PARP16: variants seen among roughly 807,000 people sequenced by gnomAD.
The protein encoded by PARP16 is poly(ADP-ribose) polymerase family member 16.
PARP16 carries 31 observed loss-of-function variants against 35.0 expected under a neutral mutation model. The ratio of observed to expected loss-of-function variants is 0.88; its 90% CI spans 0.66 to 1.19. The LOEUF (loss-of-function observed/expected upper bound fraction) is 1.19, where lower values mean the gene tolerates loss of function less well. Ranked by LOEUF, PARP16 falls within the 50% of genes most tolerant of loss-of-function variation. PARP16 has a pLI of 0.00. For synonymous variants in PARP16, 162 were observed against 169.5 expected (o/e 0.96, Z 0.34); for missense variants, 424 against 411.2 (o/e 1.03, Z -0.27).
intron 2 of PARP16, among the ~76,000 whole-genome samples, chr15:65,267,464 G>T (rs932999835): frequency 6.6e-6 from 1 of 150,528 alleles, no homozygotes; most frequent in African/African-American, 2.4e-5. Context: ...AAAATTAGCC[G>T]GGCGTGGTGG....
At chr15:65,264,852 G>A (rs1366595197) in intron 3 of PARP16, among the ~76,000 whole-genome samples, 1 of 152,200 alleles carries the variant, frequency 6.6e-6, no homozygotes, top group Non-Finnish European at 1.5e-5. Context: ...GGCCATAGGA[G>A]GATTGATGTG....
chr15:65,242,968 G>A (rs1044874851), intron 3 of PARP16, among the ~76,000 whole-genome samples: 3 of 152,080 alleles, frequency 2.0e-5, no homozygotes, highest in African/African-American at 7.2e-5. Flanking sequence ...GCCCACCTCA[G>A]CCTCCCAAAG....
At chr15:65,272,664 G>T (rs2090129189) in intron 1 of PARP16, among the ~76,000 whole-genome samples, 1 of 152,102 alleles carries the variant, frequency 6.6e-6, no homozygotes, top group African/African-American at 2.4e-5. Flanking sequence ...TCCAAGTATG[G>T]CCAGACACCT....
At chr15:65,232,869 C>T (rs974212441), downstream of PARP16, among the ~76,000 whole-genome samples, 13 of 151,128 alleles carry the variant, frequency 8.6e-5, no homozygotes, top group Admixed American at 6.6e-4. Flanking sequence ...CCACCCTAGC[C>T]AACATAGTGA....
At chr15:65,269,383 A>G (rs900495137) in intron 2 of PARP16, among the ~76,000 whole-genome samples, 11 of 151,776 alleles carry the variant, frequency 7.2e-5, no homozygotes, top group Non-Finnish European at 1.6e-4. Flanking sequence ...TTTTTAGTAG[A>G]GACGGGGTTC....
chr15:65,284,451 C>A (rs2090520684), intron 1 of PARP16, among the ~76,000 whole-genome samples: 1 of 144,706 alleles, frequency 6.9e-6, no homozygotes, highest in Non-Finnish European at 1.5e-5. Context: ...CCAGTTCAAG[C>A]AATTCTCCTG....
downstream of PARP16, among the ~76,000 whole-genome samples, chr15:65,255,320 T>C (rs1029613050): frequency 6.6e-6 from 1 of 152,054 alleles, no homozygotes; most frequent in Non-Finnish European, 1.5e-5. Flanking sequence ...TGCAAAAATG[T>C]TTTCTTTTAA....
intron 2 of PARP16, among the ~76,000 whole-genome samples, chr15:65,269,450 C>T (rs1374615773): frequency 6.6e-6 from 1 of 152,100 alleles, no homozygotes; most frequent in East Asian, 1.9e-4. Flanking sequence ...CCCACCTTAG[C>T]CTTCCAAAGT....
downstream of PARP16, among the ~76,000 whole-genome samples, chr15:65,232,070 C>T (rs1053050158): frequency 8.5e-5 from 13 of 152,230 alleles, no homozygotes; most frequent in African/African-American, 2.4e-4. Flanking sequence ...TACACCGTCA[C>T]CTACCTCCTA....
chr15:65,249,560 G>A (rs193248631), intron 2 of PARP16, among the ~76,000 whole-genome samples: 4 of 152,342 alleles, frequency 2.6e-5, no homozygotes, highest in Admixed American at 1.3e-4. Flanking sequence ...GGAGGTGGAC[G>A]AAGGGCTGCA....
intron 3 of PARP16, among the ~76,000 whole-genome samples, chr15:65,246,757 TC>T (rs2089219754): frequency 6.6e-6 from 1 of 152,214 alleles, no homozygotes; most frequent in East Asian, 1.9e-4. Context: ...CACACAGATC[TC>T]AGTTGGCAAC....
intron 4 of PARP16, 143 bp downstream of exon 4, chr15:65,263,006 G>C (rs950219098): frequency 1.4e-6 from 1 of 706,430 alleles, no homozygotes. Context: ...CTCGCTCCTT[G>C]GGCAGGACCC....
chr15:65,249,310 G>C (rs2089292911), intron 2 of PARP16, among the ~76,000 whole-genome samples: 1 of 152,222 alleles, frequency 6.6e-6, no homozygotes, highest in Non-Finnish European at 1.5e-5. Flanking sequence ...TAATTCCCCA[G>C]GCAGCCCCTG....
chr15:65,284,411 C>T (rs1460678800), intron 1 of PARP16, among the ~76,000 whole-genome samples: 2 of 134,614 alleles, frequency 1.5e-5, no homozygotes, highest in East Asian at 2.3e-4. Context: ...GGGGCGATCT[C>T]GGCTCACTGC....
downstream of PARP16, among the ~76,000 whole-genome samples, chr15:65,255,743 GA>G (rs56665485): frequency 0.39 from 22,215 of 57,112 alleles, 2,016 homozygotes; most frequent in Non-Finnish European, 0.44. Context: ...AGAAAACTCA[GA>G]AAAAAAAAAA....
At chr15:65,259,574 C>A in intron 5 of PARP16, 32 bp from the exon 6 acceptor site, 1 of 1,600,212 alleles carries the variant, frequency 6.2e-7, no homozygotes. Flanking sequence ...GTGGTGTTGG[C>A]AAAAAGAGAA....
chr15:65,265,060 AAACAAGCCC>A (rs2089845745), intron 3 of PARP16, among the ~76,000 whole-genome samples: 2 of 152,226 alleles, frequency 1.3e-5, no homozygotes, highest in African/African-American at 4.8e-5. Flanking sequence ...GAGCCAGTGT[AAACAAGCCC>A]GTCATCCTTA....
In PARP16 at chr15:65,286,314, G is replaced by A. The variant is rs774056642; in HGVS notation, c.113C>T (p.Ser38Leu). The A allele has an allele frequency of 1.9e-6, 3 of 1,604,056 alleles. No homozygotes were observed. Among genetic ancestry groups the A allele is most frequent in the East Asian group, 2.3e-5 (1 of 43,842 alleles). ...GGACGCGGGGAAGGGCCGCAGCACC[G>A]AGTCGCGCTTGTAGCTCTGCAGGGC... ...ASALQSYKRD[S>L]VLRPFPASYA... The change falls in exon 1 of 6, where the codon TCG (serine) becomes TTG (leucine). Residue 38 changes from serine to leucine, a missense_variant. By Grantham distance (145) the Ser-to-Leu change is moderately radical. Transcript: ENST00000649807.
Position 65,259,552 on chromosome 15 carries a change from A to G in PARP16, c.834-10T>C. The G allele has an allele frequency of 6.2e-7, 1 of 1,612,976 alleles. No individual in the cohort carries two copies. Among genetic ancestry groups the G allele is most frequent in the Admixed American group, 1.7e-5 (1 of 59,696 alleles). On this transcript the variant is annotated splice_polypyrimidine_tract_variant and intron_variant, in intron 5 of 5. Coordinates refer to ENST00000649807, the MANE Select transcript of PARP16 (RefSeq NM_001316943.2). ...GAGCTGGCTCGAAGCCCTGCTTAAG[A>G]GGGAAAAAAGAGTGGTGTTGGCAAA...
Sources: gnomAD v4.1 joint callset for allele counts (sites outside exome capture counted in the v4.1 genomes callset) on GRCh38, gnomAD v4.1.1 for gene constraint, MANE v1.5 for transcripts, NCBI Gene and HGNC (gene_info 2026-07-23, HGNC 2026-07-21) for gene names.